Variants in NUP160 observed in about 807,000 individuals in gnomAD.
NUP160 encodes the protein nuclear pore complex protein Nup160.
In NUP160, 94 loss-of-function variants were observed where a neutral mutation model predicts 196.9. The ratio of observed to expected loss-of-function variants is 0.48; its 90% CI spans 0.40 to 0.57. The LOEUF (loss-of-function observed/expected upper bound fraction) is 0.57, where lower values mean the gene tolerates loss of function less well. Ranked by LOEUF, NUP160 falls within the 20% of genes least tolerant of loss-of-function variation. The pLI, the probability that NUP160 is intolerant of heterozygous loss-of-function variation, is 0.00. For missense variants in NUP160, 1,638 were observed against 1,748.3 expected (o/e 0.94, Z 1.13); for synonymous variants, 605 against 619.7 (o/e 0.98, Z 0.35).
chr11:47,839,838 C>T lies in NUP160; in HGVS notation c.748+5G>A, dbSNP rs1852259263. 3.1e-6 allele frequency: 5 copies of T among 1,608,312 alleles called. No individual in the cohort carries two copies. The highest frequency in any genetic ancestry group is 4.3e-6 in the Non-Finnish European group (5 of 1,174,934). ...GTTAAATCCATGCTCAGTTCCCATT[C>T]TTACCAGGTATGTCATAAGGAGGTA... On this transcript the variant is annotated splice_donor_5th_base_variant and intron_variant, in intron 4 of 35. Coordinates refer to ENST00000378460, the Ensembl canonical transcript of NUP160.
At chr11:47,837,138 G>C in intron 5 of NUP160, 137 bp from the exon 6 acceptor site, 1 of 526,786 alleles carries the variant, frequency 1.9e-6, no homozygotes, top group Non-Finnish European at 3.4e-6. Context: ...GCTGGTATAA[G>C]ACAACTACAT....
intron 18 of NUP160, among the ~76,000 whole-genome samples, chr11:47,807,830 C>T (rs1459325934): frequency 1.5e-5 from 2 of 131,062 alleles, no homozygotes; most frequent in Non-Finnish European, 3.6e-5. Flanking sequence ...ACGTGTAGTA[C>T]ATAAGTATAA....
rs1851856848 is a variant in NUP160, at chr11:47,821,534, TTG to T, written c.1277+188_1277+189del. ...CCTGCCACCAGGCCCAGCTAATTTT[TTG>T]TGTTTTTAGTAGAGACGGGGTTTCT... On this transcript the variant is annotated intron_variant, in intron 9 of 35. Coordinates refer to ENST00000378460, the Ensembl canonical transcript of NUP160. 3 of 521,250 alleles carry T rather than the reference TTG, an allele frequency of 5.8e-6. No individual in the cohort carries two copies. In the South Asian group the frequency reaches 8.2e-5, roughly 14 times the overall value. The allele number at this position is 521,250 out of a possible 1,614,324, so 32.3% of individuals were successfully genotyped here.
chr11:47,824,401 C>T (rs1396913713), intron 7 of NUP160, among the ~76,000 whole-genome samples: 1 of 151,542 alleles, frequency 6.6e-6, no homozygotes, highest in Non-Finnish European at 1.5e-5. Flanking sequence ...GTCAGGAGAT[C>T]GAGACCATCC....
At chr11:47,827,259 G>A in intron 7 of NUP160, 1 of 409,270 alleles carries the variant, frequency 2.4e-6, no homozygotes, top group Non-Finnish European at 4.9e-6. Context: ...AGCTACCTGG[G>A]AGGCTGAGGT....
intron 28 of NUP160, 149 bp downstream of exon 28, chr11:47,792,637 T>G: frequency 2.7e-6 from 2 of 743,974 alleles, no homozygotes; most frequent in South Asian, 4.1e-5. Context: ...ACAATTGAAT[T>G]GTAAACATAG....
Position 47,782,939 on chromosome 11 carries a change from A to G in NUP160, c.4116+134T>C, listed in dbSNP as rs1251277495. On this transcript the variant is annotated intron_variant, in intron 34 of 35. Coordinates refer to ENST00000378460, the Ensembl canonical transcript of NUP160. ...CTCCCAAAGTGCTGGGATTATAGGC[A>G]TGAGTCACTGTGCCCGGCCATCAGT... 41 of 772,030 alleles carry G rather than the reference A, an allele frequency of 5.3e-5. No individual in the cohort carries two copies. The Middle Eastern group carries it at 9.6e-4, about 18-fold the overall frequency. 47.8% of individuals were successfully genotyped at this position (772,030 alleles called of 1,614,324 possible).
intron 2 of NUP160, chr11:47,841,632 G>T: frequency 2.4e-6 from 1 of 412,298 alleles, no homozygotes. Context: ...CCTGGAACGT[G>T]CTCTAGTTCG....
At chr11:47,782,073 G>A (rs1325676645) in intron 34 of NUP160, among the ~76,000 whole-genome samples, 1 of 151,764 alleles carries the variant, frequency 6.6e-6, no homozygotes, top group Non-Finnish European at 1.5e-5. Context: ...TTGAGGTTAG[G>A]AGTTCCGAGA....
At chr11:47,797,991 T>C (rs2097671836) in exon 26 of NUP160, 1 of 1,577,214 alleles carries the variant, frequency 6.3e-7, no homozygotes, top group Non-Finnish European at 8.6e-7. Flanking sequence ...ATTATGCAGA[T>C]TCACATAGGG....
At chr11:47,827,135 G>A (rs1265096143) in intron 7 of NUP160, 1 of 456,146 alleles carries the variant, frequency 2.2e-6, no homozygotes. Flanking sequence ...GGGAAGCCGA[G>A]GTGGGTGGAC....
At chr11:47,784,029 C>CA (rs1392402453) in intron 33 of NUP160, among the ~76,000 whole-genome samples, 16 of 150,266 alleles carry the variant, frequency 1.1e-4, no homozygotes, top group South Asian at 2.1e-4. Context: ...AAAACAAAAA[C>CA]AAAAAAAACA....
chr11:47,825,930 G>A (rs1348036532), intron 7 of NUP160, among the ~76,000 whole-genome samples: 1 of 151,988 alleles, frequency 6.6e-6, no homozygotes, highest in East Asian at 1.9e-4. Context: ...ATTGATAAGA[G>A]TGATGATGAC....
At chr11:47,821,986 T>G in intron 8 of NUP160, 101 bp downstream of exon 8, 1 of 990,416 alleles carries the variant, frequency 1.0e-6, no homozygotes, top group Non-Finnish European at 1.5e-6. Flanking sequence ...TATCATGAAA[T>G]AATTCCATTT....
chr11:47,796,235 T>C (rs2097670859), intron 27 of NUP160: 1 of 465,048 alleles, frequency 2.2e-6, no homozygotes. Flanking sequence ...AAAAGAGAAA[T>C]ACGAGATTAC....
chr11:47,807,201 AAGCTCTTCTACG>A, intron 18 of NUP160, 61 bp from the exon 19 acceptor site: 1 of 1,024,536 alleles, frequency 9.8e-7, no homozygotes, highest in Non-Finnish European at 1.5e-6. Context: ...TTACTTCTAC[AAGCTCTTCTACG>A]AAGAACACTG....
At chr11:47,799,278 G>A (rs186329187) in intron 23 of NUP160, among the ~76,000 whole-genome samples, 106 of 152,088 alleles carry the variant, frequency 7.0e-4, no homozygotes, top group African/African-American at 2.2e-3. Flanking sequence ...TAGAGATGGG[G>A]TTTCACCATG....
At chr11:47,813,016 A>T in exon 15 of NUP160, 1 of 1,611,486 alleles carries the variant, frequency 6.2e-7, no homozygotes, top group African/African-American at 1.3e-5. Context: ...GGCATTTTAT[A>T]AGACATATGA....
intron 2 of NUP160, among the ~76,000 whole-genome samples, chr11:47,847,596 A>G (rs2135408906): frequency 8.4e-6 from 1 of 119,596 alleles, no homozygotes; most frequent in African/African-American, 3.3e-5. Context: ...TTATTCCCCT[A>G]AGCTACATTT....
Sources: allele counts gnomAD v4.1 joint callset (sites outside exome capture counted in the v4.1 genomes callset), GRCh38; gene constraint gnomAD v4.1.1; transcripts MANE v1.5; gene names NCBI Gene and HGNC (gene_info 2026-07-23, HGNC 2026-07-21).